MUC4: variants seen among roughly 807,000 people sequenced by gnomAD.
MUC4 encodes mucin 4, cell surface associated.
MUC4 carries 202 observed loss-of-function variants against 257.9 expected under a neutral mutation model. The observed-to-expected ratio is 0.78, with a 90% CI of 0.70 to 0.88. The LOEUF (loss-of-function observed/expected upper bound fraction) is 0.88, where lower values mean the gene tolerates loss of function less well. Among genes scored for constraint, MUC4 ranks in the 40% least tolerant of loss-of-function variants. The pLI, the probability that MUC4 is intolerant of heterozygous loss-of-function variation, is 0.00. For missense variants in MUC4, 5,976 were observed against 6,513.7 expected, an observed-to-expected ratio of 0.92 and a Z score of 2.84; for synonymous variants, 2,351 against 2,757.1, an observed-to-expected ratio of 0.85 and a Z score of 4.62.
rs980106676 is a variant in MUC4 at position 195,762,151 on chromosome 3, G to T, written c.14448C>A (p.Ser4816=). 2.5e-6 allele frequency: 4 copies of T among 1,606,532 alleles called. No individual in the cohort carries two copies. The Admixed American group carries it at 6.7e-5, about 27-fold the overall frequency. Residue 4816 remains serine, a synonymous_variant, in exon 14 of 25, where the codon TCC becomes TCA. Transcript: ENST00000463781. The part of the protein sequence containing the change: ...GWATVSVIAL[S]NILHASASLP... Reference sequence around the variant, plus strand: ...GGCTGGCGGAGGCGTGGAGGATGTTGGAGAGCGCGATCACCGAGACGGTGG... The same window carrying T: ...GGCTGGCGGAGGCGTGGAGGATGTTTGAGAGCGCGATCACCGAGACGGTGG...
At chr3:195,775,158 C>A (rs1313988066) in intron 3 of MUC4, among the ~76,000 whole-genome samples, 2 of 152,062 alleles carry the variant, frequency 1.3e-5, no homozygotes, top group Non-Finnish European at 2.9e-5. Flanking sequence ...CTCTCCTGGC[C>A]TCCTCACTGC....
Position 195,752,341 on chromosome 3 carries a change from C to A in MUC4, c.15582+32G>T, listed in dbSNP as rs1322453889. 4 of 1,586,752 alleles carry A rather than the reference C, an allele frequency of 2.5e-6. No homozygotes were observed. The African/African-American group carries it at 5.4e-5, about 21-fold the overall frequency. On this transcript the variant is annotated intron_variant, in intron 21 of 24. Coordinates refer to ENST00000463781, the MANE Select transcript of MUC4 (RefSeq NM_018406.7). ...CTGGCCTGAACCCGCCAAGCGCCCC[C>A]TCCCACCCAGAGCGCGGCCTGCAGC...
At chr3:195,803,470 A>G (rs760287063) in intron 1 of MUC4, among the ~76,000 whole-genome samples, 2 of 152,192 alleles carry the variant, frequency 1.3e-5, no homozygotes, top group South Asian at 2.1e-4. Flanking sequence ...GAGCCTCCGC[A>G]TCTGCGCTGG....
chr3:195,752,473 A>G (rs1488420295), intron 20 of MUC4, 27 bp from the exon 21 acceptor site: 1 of 1,598,200 alleles, frequency 6.3e-7, no homozygotes, highest in Non-Finnish European at 8.6e-7. Flanking sequence ...CAAATGTATC[A>G]TCACCCCACG....
At chr3:195,792,944 G>T (rs1292563911) in intron 1 of MUC4, among the ~76,000 whole-genome samples, 3 of 152,158 alleles carry the variant, frequency 2.0e-5, no homozygotes, top group African/African-American at 7.2e-5. Context: ...AGAACACATG[G>T]ACACAGAGAG....
At chr3:195,772,840 G>GGGTGTGGACACCCTCTCCATCTCTCAGA (rs1723343128) in intron 4 of MUC4, among the ~76,000 whole-genome samples, 29 of 109,294 alleles carry the variant, frequency 2.7e-4, no homozygotes, top group African/African-American at 8.3e-4. Context: ...CATCGCTCAG[G>GGGTGTGGACACCCTCTCCATCTCTCAGA]GGTATAGACA....
rs779306993 is a variant in MUC4, at chr3:195,757,397, C to G, written c.14987-69G>C. On this transcript the variant is annotated intron_variant, in intron 17 of 24. Transcript: ENST00000463781. The surrounding 1 kb of genome is among the most constrained non-coding windows in gnomAD (Gnocchi z 4.8). ...CGGCTCTGTGGTCTGATTGCTGATA[C>G]GGGGCTTCCCCCACCCCTCTCAGGC... 9.7e-6 allele frequency: 14 copies of G among 1,443,908 alleles called. No individual in the cohort carries two copies. Among genetic ancestry groups the G allele is most frequent in the Non-Finnish European group, 1.3e-5 (14 of 1,060,508 alleles). The allele number at this position is 1,443,908 out of a possible 1,614,324, so 89.4% of individuals were successfully genotyped here.
chr3:195,803,651 G>A (rs770638409), intron 1 of MUC4, among the ~76,000 whole-genome samples: 6 of 152,166 alleles, frequency 3.9e-5, no homozygotes, highest in Non-Finnish European at 8.8e-5. Context: ...CATTTCACAG[G>A]CGGGGAAATC....
chr3:195,797,266 T>TTAAATAAATAAATAAATAAATAAA (rs58592665), intron 1 of MUC4, among the ~76,000 whole-genome samples: 14 of 149,586 alleles, frequency 9.4e-5, no homozygotes, highest in Admixed American at 2.7e-4. Context: ...GGACTCTATC[T>TTAAATAAATAAATAAATAAATAAA]TAAATAAATA....
In MUC4 at chr3:195,757,407, C is replaced by A; in HGVS notation, c.14987-79G>T. ...GTCTGATTGCTGATACGGGGCTTCCCCCACCCCTCTCAGGCCACCCTCCCC... is the reference window on the plus strand; with the variant it reads ...GTCTGATTGCTGATACGGGGCTTCCACCACCCCTCTCAGGCCACCCTCCCC... On this transcript the variant is annotated intron_variant, in intron 17 of 24. Coordinates refer to ENST00000463781, the MANE Select transcript of MUC4 (RefSeq NM_018406.7). This position sits in a 1 kb window ranked among gnomAD's most constrained non-coding sequence, Gnocchi z 4.8. 1 of 1,378,350 alleles carries A rather than the reference C, an allele frequency of 7.3e-7. No individual in the cohort carries two copies. Among genetic ancestry groups the A allele is most frequent in the Non-Finnish European group, 9.9e-7 (1 of 1,008,096 alleles). 85.4% of individuals were successfully genotyped at this position (1,378,350 alleles called of 1,614,324 possible). A position where few individuals can be genotyped will look rare whatever the true frequency, so the allele number is the denominator to read the frequency against.
chr3:195,767,932 C>CATCACT (rs1721928164), intron 7 of MUC4, among the ~76,000 whole-genome samples: 1 of 125,770 alleles, frequency 8.0e-6, no homozygotes. Context: ...CCACCTCCAC[C>CATCACT]GCCACTACCA....
chr3:195,785,942 A>T lies in MUC4; in HGVS notation c.5638T>A (p.Ser1880Thr). Reference protein sequence around the residue: ...ATSLLVTDASSVSTGDTTPLP... With the variant: ...ATSLLVTDASTVSTGDTTPLP... ...GGGGTGGTGTCACCTGTGGATACTG[A>T]GGAAGCGTCGGTGACAAGAAGAGAG... The change falls in exon 2 of 25, where the codon TCA becomes ACA. Residue 1880 changes from serine to threonine, a missense_variant. Physicochemically the swap from Ser to Thr is moderately conservative, Grantham distance 58. Coordinates refer to ENST00000463781, the MANE Select transcript of MUC4 (RefSeq NM_018406.7). The T allele has an allele frequency of 6.6e-7, 1 of 1,505,018 alleles. No homozygotes were observed. Among genetic ancestry groups the T allele is most frequent in the Non-Finnish European group, 8.9e-7 (1 of 1,121,514 alleles). The allele number at this position is 1,505,018 out of a possible 1,614,324, so 93.2% of individuals were successfully genotyped here.
In MUC4 at chr3:195,760,845, C is replaced by T. The variant is rs377351140; in HGVS notation, c.14848+39G>A. 71 of 1,571,582 alleles carry T rather than the reference C, an allele frequency of 4.5e-5. No homozygotes were observed. The South Asian group carries it at 4.9e-4, about 11-fold the overall frequency. On this transcript the variant is annotated intron_variant, in intron 16 of 24. Coordinates refer to ENST00000463781, the MANE Select transcript of MUC4 (RefSeq NM_018406.7). Reference sequence around the variant, plus strand: ...GCAAGGGCAGCTCCTCATCTGCTCCCGACTCTGAAAAGGCCTCCCCAGGCC... The same window carrying T: ...GCAAGGGCAGCTCCTCATCTGCTCCTGACTCTGAAAAGGCCTCCCCAGGCC...
At chr3:195,756,585 C>A (rs1717692679) in intron 18 of MUC4, among the ~76,000 whole-genome samples, 2 of 149,380 alleles carry the variant, frequency 1.3e-5, no homozygotes, top group South Asian at 4.3e-4. Flanking sequence ...CTTTCTTTTT[C>A]TCCTTTCCCT....
At chr3:195,793,241 A>T (rs1419694032) in intron 1 of MUC4, among the ~76,000 whole-genome samples, 2 of 152,204 alleles carry the variant, frequency 1.3e-5, no homozygotes, top group Non-Finnish European at 2.9e-5. Flanking sequence ...CCCCACCTGC[A>T]ATCCCAGCAC....
rs532961620 is a variant in MUC4, at chr3:195,780,349, G to T, written c.11231C>A (p.Pro3744His). ...PSSASTGHVT[P>H]LPVTSTSSAS... ...TGAGGAAGTGCTGGTGACAGGAAGA[G>T]GGGTGACGTGACCTGTGGATGCTGA... Residue 3744 changes from proline to histidine, a missense_variant, in exon 2 of 25, where the codon CCT becomes CAT. By Grantham distance (77) the Pro-to-His change is moderately conservative (BLOSUM62 -2). Around this residue, in one of 44 missense-constraint regions of MUC4, gnomAD observed 330 missense variants for 262.0 expected, o/e 1.26. Coordinates refer to ENST00000463781, the MANE Select transcript of MUC4 (RefSeq NM_018406.7). 3 of 1,413,696 alleles carry T rather than the reference G, an allele frequency of 2.1e-6. No homozygotes were observed. Among genetic ancestry groups the T allele is most frequent in the South Asian group, 2.5e-5 (2 of 79,862 alleles). The allele number at this position is 1,413,696 out of a possible 1,614,324, so 87.6% of individuals were successfully genotyped here. A position where few individuals can be genotyped will look rare whatever the true frequency, so the allele number is the denominator to read the frequency against.
Position 195,782,911 on chromosome 3 carries a change from G to A in MUC4, c.8669C>T (p.Ser2890Phe), listed in dbSNP as rs1360496880. The change falls in exon 2 of 25, where the codon TCC (serine) becomes TTC (phenylalanine). Residue 2890 changes from serine to phenylalanine, a missense_variant. By Grantham distance (155) the Ser-to-Phe change is radical. Coordinates refer to ENST00000463781, the MANE Select transcript of MUC4 (RefSeq NM_018406.7). ...PLPVTDASSVSTGHATPLPLT... is the reference protein window; with the variant it reads ...PLPVTDASSVFTGHATPLPLT... ...AGGAAGAGGGGTAGCGTGACCTGTG[G>A]ACACTGAGGAAGCGTCGGTGACAGG... 41 of 1,513,076 alleles carry A rather than the reference G, an allele frequency of 2.7e-5. No homozygotes were observed. In the African/African-American group the frequency reaches 5.7e-4, roughly 21 times the overall value. 93.7% of individuals were successfully genotyped at this position (1,513,076 alleles called of 1,614,324 possible). A position where few individuals can be genotyped will look rare whatever the true frequency, so the allele number is the denominator to read the frequency against.
chr3:195,783,902 A>AGG lies in MUC4; in HGVS notation c.7676_7677dup (p.Ser2560ProfsTer445), dbSNP rs1729772552. On this transcript the variant is annotated frameshift_variant, in exon 2 of 25. Transcript: ENST00000463781. LOFTEE classifies it high-confidence loss of function. Reference sequence around the variant, plus strand: ...GCGGAAGTGTCGGTGACAGGAAGAGAGGTGGCGTGACCTGTGGATGCTGAG... The same window carrying AGG: ...GCGGAAGTGTCGGTGACAGGAAGAGAGGGGTGGCGTGACCTGTGGATGCTGAG... 11 of 1,265,368 alleles carry AGG rather than the reference A, an allele frequency of 8.7e-6. No homozygotes were observed. Among genetic ancestry groups the AGG allele is most frequent in the South Asian group, 7.2e-5 (5 of 69,120 alleles). 78.4% of individuals were successfully genotyped at this position (1,265,368 alleles called of 1,614,324 possible).
At chr3:195,752,340 C>A in intron 21 of MUC4, 33 bp downstream of exon 21, 1 of 1,584,240 alleles carries the variant, frequency 6.3e-7, no homozygotes. Context: ...CCAAGCGCCC[C>A]CTCCCACCCA....
Sources: allele counts gnomAD v4.1 joint callset (sites outside exome capture counted in the v4.1 genomes callset), GRCh38; gene constraint gnomAD v4.1.1; regional missense constraint gnomAD v4.1.1; non-coding constraint Gnocchi (gnomAD v3.1); transcripts MANE v1.5; gene names NCBI Gene and HGNC (gene_info 2026-07-23, HGNC 2026-07-21).